The following WWOX variants were observed in gnomAD, a reference collection of about 807,000 sequenced individuals.
WWOX encodes WW domain containing oxidoreductase, also known as WW domain-containing oxidoreductase.
Under a neutral mutation model 46.2 loss-of-function variants are expected in WWOX, and 69 were observed. That is an observed-to-expected ratio of 1.49 (90% CI 1.23 to 1.82). WWOX has a LOEUF of 1.82. WWOX is among the 40% of genes most tolerant of loss of function. The pLI is 0.00. For missense variants in WWOX, 919 were observed against 542.6 expected (o/e 1.69, Z -6.89); for synonymous variants, 359 against 202.6 (o/e 1.77, Z -6.56).
chr16:78,525,848 A>G lies in WWOX; in HGVS notation c.1056+93096A>G, dbSNP rs1249892746. On this transcript the variant is annotated intron_variant, in intron 8 of 8. Coordinates refer to ENST00000566780, the MANE Select transcript of WWOX (RefSeq NM_016373.4). ...TTCAGAAAGATGCACACTGCTTTAA[A>G]AAAAAAAAAAAAAAGGGCAAGGGGA... 20 of 6,072 alleles carry G rather than the reference A, an allele frequency of 3.3e-3. 1 individual carries two copies. The highest frequency in any genetic ancestry group is 5.8e-3 in the Non-Finnish European group (5 of 856). The allele number at this position is 6,072 out of a possible 1,614,324, so 0.4% of individuals were successfully genotyped here. A position where few individuals can be genotyped will look rare whatever the true frequency, so the allele number is the denominator to read the frequency against.
At chr16:79,000,252 C>T (rs909480185) in intron 8 of WWOX, among the ~76,000 whole-genome samples, 2 of 152,180 alleles carry the variant, frequency 1.3e-5, no homozygotes, top group Non-Finnish European at 2.9e-5. Flanking sequence ...GGCAAATTCT[C>T]CTCCTTCCTT....
chr16:78,641,452 G>T (rs2046708935), intron 8 of WWOX, among the ~76,000 whole-genome samples: 1 of 152,090 alleles, frequency 6.6e-6, no homozygotes, highest in African/African-American at 2.4e-5. Flanking sequence ...AGCAGCAGGA[G>T]TGGGAACCTC....
chr16:78,733,515 AG>A (rs1375117240), intron 8 of WWOX, among the ~76,000 whole-genome samples: 1 of 151,726 alleles, frequency 6.6e-6, no homozygotes, highest in East Asian at 1.9e-4. Flanking sequence ...TGGGAGGACG[AG>A]GTGGGCGGAT....
intron 8 of WWOX, among the ~76,000 whole-genome samples, chr16:78,489,693 C>T (rs1196507431): frequency 1.3e-5 from 2 of 152,136 alleles, no homozygotes; most frequent in Admixed American, 6.6e-5. Flanking sequence ...TGTGGGGCGC[C>T]TGAGCTGGGC....
intron 5 of WWOX, among the ~76,000 whole-genome samples, chr16:78,240,778 G>T (rs2151818704): frequency 6.6e-6 from 1 of 152,320 alleles, no homozygotes. Flanking sequence ...GGCCAGGCAG[G>T]TATTGCAGGT....
At chr16:79,136,625 C>A (rs9932499) in intron 8 of WWOX, among the ~76,000 whole-genome samples, 7 of 151,994 alleles carry the variant, frequency 4.6e-5, no homozygotes, top group African/African-American at 1.5e-4. Context: ...ACCTGCCCTT[C>A]ACTGGTGGTC....
In WWOX at chr16:78,594,429, G is replaced by GCCCCCCCC. The variant is rs138806967; in HGVS notation, c.1056+161686_1056+161693dup. On this transcript the variant is annotated intron_variant, in intron 8 of 8. Coordinates refer to ENST00000566780, the MANE Select transcript of WWOX (RefSeq NM_016373.4). ...TCTTGACGAAGAAGACTGAGGAAAG[G>GCCCCCCCC]CCCCCCCCCCCCCCCCGCCAAATTG... 3.2e-3 allele frequency among the ~76,000 whole-genome samples: 104 copies of GCCCCCCCC among 32,386 alleles called. 3 individuals are homozygous for GCCCCCCCC. The highest frequency in any genetic ancestry group is 4.3e-3 in the African/African-American group (32 of 7,372). 21.2% of individuals were successfully genotyped at this position (32,386 alleles called of 152,430 possible). A position where few individuals can be genotyped will look rare whatever the true frequency, so the allele number is the denominator to read the frequency against.
chr16:78,334,020 G>C (rs1465569820), intron 5 of WWOX, among the ~76,000 whole-genome samples: 1 of 152,088 alleles, frequency 6.6e-6, no homozygotes, highest in East Asian at 1.9e-4. Flanking sequence ...CAGGTAAATG[G>C]AATGTAAATC....
intron 8 of WWOX, among the ~76,000 whole-genome samples, chr16:78,968,007 G>A (rs1023252684): frequency 1.3e-5 from 2 of 152,230 alleles, no homozygotes; most frequent in Admixed American, 6.5e-5. Flanking sequence ...ATGTATAAGT[G>A]TATGTGTTTA....
At chr16:78,620,864 T>A (rs574728554) in intron 8 of WWOX, among the ~76,000 whole-genome samples, 52 of 152,340 alleles carry the variant, frequency 3.4e-4, no homozygotes, top group South Asian at 1.0e-3. Context: ...CATTTTTTCA[T>A]GTCCAGGTCA....
chr16:78,945,618 A>G (rs9935088), intron 8 of WWOX, among the ~76,000 whole-genome samples: 38,413 of 151,588 alleles, frequency 0.25, 6,128 homozygotes, highest in East Asian at 0.42. Flanking sequence ...TCGCTGCTTG[A>G]TCTGACTACT....
At chr16:78,808,152 G>T (rs1296149487) in intron 8 of WWOX, among the ~76,000 whole-genome samples, 1 of 151,982 alleles carries the variant, frequency 6.6e-6, no homozygotes, top group Non-Finnish European at 1.5e-5. Context: ...CTCAATTTTT[G>T]GCACCCATGT....
At chr16:79,089,326 T>C (rs1597364682) in intron 8 of WWOX, among the ~76,000 whole-genome samples, 1 of 119,740 alleles carries the variant, frequency 8.4e-6, no homozygotes, top group African/African-American at 3.8e-5. Flanking sequence ...ACGTTCAAGG[T>C]GGGGACCTTT....
At chr16:78,701,053 C>G (rs1044819163) in intron 8 of WWOX, among the ~76,000 whole-genome samples, 1 of 152,014 alleles carries the variant, frequency 6.6e-6, no homozygotes, top group African/African-American at 2.4e-5. Context: ...ATCTTGGGCA[C>G]GTTTTTCAAC....
chr16:79,033,809 C>A (rs373081894), intron 8 of WWOX, among the ~76,000 whole-genome samples: 36 of 152,238 alleles, frequency 2.4e-4, no homozygotes, highest in African/African-American at 8.4e-4. Context: ...AGTGGAATCA[C>A]ACAGTGTGTG....
chr16:79,139,208 G>C (rs781399250), intron 8 of WWOX, among the ~76,000 whole-genome samples: 8 of 152,158 alleles, frequency 5.3e-5, no homozygotes, highest in Non-Finnish European at 8.8e-5. Context: ...CCTCCTAAGA[G>C]GGCAAATAAA....
chr16:78,465,301 T>G (rs2084048563), intron 8 of WWOX, among the ~76,000 whole-genome samples: 1 of 152,246 alleles, frequency 6.6e-6, no homozygotes, highest in Admixed American at 6.5e-5. Flanking sequence ...CATTCAGCCT[T>G]CTTTACCATT....
chr16:78,263,373 A>C (rs1049612658), intron 5 of WWOX, among the ~76,000 whole-genome samples: 1 of 152,172 alleles, frequency 6.6e-6, no homozygotes, highest in East Asian at 1.9e-4. Flanking sequence ...ATCCAGGGCC[A>C]TGTGCTCACC....
intron 8 of WWOX, among the ~76,000 whole-genome samples, chr16:78,797,638 A>G (rs1468496943): frequency 6.6e-6 from 1 of 152,196 alleles, no homozygotes; most frequent in African/African-American, 2.4e-5. Flanking sequence ...AGATTCGTCC[A>G]GTCTCAAGGA....
Sources: allele counts gnomAD v4.1 joint callset (sites outside exome capture counted in the v4.1 genomes callset), GRCh38; gene constraint gnomAD v4.1.1; transcripts MANE v1.5; gene names NCBI Gene and HGNC (gene_info 2026-07-23, HGNC 2026-07-21).